The following ZBBX variants were observed in gnomAD, a reference collection of about 807,000 sequenced individuals.
The protein encoded by ZBBX is zinc finger B-box domain-containing protein 1.
In ZBBX, 101 loss-of-function variants were observed where a neutral mutation model predicts 108.5. That is an observed-to-expected ratio of 0.93 (90% CI 0.79 to 1.10). The LOEUF is 1.10. ZBBX is among the 50% of genes least tolerant of loss of function. The pLI is 0.00. For synonymous variants in ZBBX, 356 were observed against 323.4 expected (o/e 1.10, Z -1.08); for missense variants, 1,009 against 941.4 (o/e 1.07, Z -0.94).
At chr3:167,223,219 CCG>C in the ZBBX span, among the ~76,000 whole-genome samples, 1 of 151,876 alleles carries the variant, frequency 6.6e-6, no homozygotes, top group South Asian at 2.1e-4. Context: ...TCACCCCATA[CCG>C]ATTTCTGGCC....
At chr3:167,306,026 T>C in intron 16 of ZBBX, 76 bp from the exon 17 acceptor site, 3 of 1,242,532 alleles carry the variant, frequency 2.4e-6, no homozygotes, top group South Asian at 2.1e-5. Context: ...AAACCAAAAG[T>C]TCTGTGGTAA....
At chr3:167,260,104 T>G (rs2108410802) in intron 20 of ZBBX, among the ~76,000 whole-genome samples, 1 of 152,300 alleles carries the variant, frequency 6.6e-6, no homozygotes, top group South Asian at 2.1e-4. Flanking sequence ...TTAGTTTCAC[T>G]GGATACAAAA....
Position 167,360,667 on chromosome 3 carries a change from T to G in ZBBX, c.322+8A>C. On this transcript the variant is annotated splice_region_variant and intron_variant, in intron 7 of 21. Coordinates refer to ENST00000675490, the MANE Select transcript of ZBBX (RefSeq NM_001199201.2). ...TAGCATTTATTAACATGGTGATAAA[T>G]TATTTACCTTGAATCTGTTCCTTCA... 1 of 1,356,226 alleles carries G rather than the reference T, an allele frequency of 7.4e-7. No homozygotes were observed. The highest frequency in any genetic ancestry group is 9.7e-7 in the Non-Finnish European group (1 of 1,034,684). The allele number at this position is 1,356,226 out of a possible 1,614,324, so 84.0% of individuals were successfully genotyped here.
intron 20 of ZBBX, among the ~76,000 whole-genome samples, chr3:167,257,944 G>A (rs1195501581): frequency 6.6e-6 from 1 of 152,130 alleles, no homozygotes; most frequent in Admixed American, 6.5e-5. Context: ...CTCCCAGTCT[G>A]TGGGATATCT....
At chr3:167,178,709 CT>C in the ZBBX span, among the ~76,000 whole-genome samples, 2 of 152,198 alleles carry the variant, frequency 1.3e-5, no homozygotes, top group East Asian at 3.8e-4. Context: ...TGCTTCCCAA[CT>C]TTTTGTTATC....
intron 8 of ZBBX, among the ~76,000 whole-genome samples, chr3:167,358,711 C>T (rs1459928913): frequency 1.3e-5 from 2 of 151,384 alleles, no homozygotes; most frequent in African/African-American, 2.4e-5. Flanking sequence ...CAGAGGCAGG[C>T]GGATCATGAG....
At chr3:167,384,010 A>T (rs2108633792), upstream of ZBBX, among the ~76,000 whole-genome samples, 1 of 152,230 alleles carries the variant, frequency 6.6e-6, no homozygotes, top group Non-Finnish European at 1.5e-5. Context: ...TGCTAGGAGC[A>T]CATTAAAAAG....
chr3:167,366,822 C>G (rs1321406261), intron 5 of ZBBX: 4 of 455,858 alleles, frequency 8.8e-6, no homozygotes, highest in Non-Finnish European at 1.8e-5. Flanking sequence ...AGATGAGTAT[C>G]ATGATCCATT....
chr3:167,341,616 A>T (rs935673189), intron 9 of ZBBX, among the ~76,000 whole-genome samples: 1 of 151,972 alleles, frequency 6.6e-6, no homozygotes, highest in African/African-American at 2.4e-5. Context: ...AAATAACATA[A>T]GAAACTCACA....
the ZBBX span, among the ~76,000 whole-genome samples, chr3:167,214,994 G>A: frequency 2.2e-4 from 33 of 151,788 alleles, no homozygotes; most frequent in Non-Finnish European, 1.6e-4. Flanking sequence ...ACAGTGTTGA[G>A]GAAAATTCAT....
At chr3:167,310,242 A>G (rs1327542143) in intron 16 of ZBBX, among the ~76,000 whole-genome samples, 3 of 152,224 alleles carry the variant, frequency 2.0e-5, no homozygotes, top group African/African-American at 7.2e-5. Context: ...TATCACTATA[A>G]GCATTTTGGT....
At chr3:167,271,191 A>G (rs1442774143) in intron 20 of ZBBX, among the ~76,000 whole-genome samples, 2 of 136,588 alleles carry the variant, frequency 1.5e-5, no homozygotes, top group Admixed American at 7.1e-5. Context: ...ACATTTGGAA[A>G]AATTTGGACT....
chr3:167,213,401 C>T, the ZBBX span, among the ~76,000 whole-genome samples: 3 of 152,078 alleles, frequency 2.0e-5, no homozygotes, highest in Non-Finnish European at 4.4e-5. Flanking sequence ...ACAATGCAAT[C>T]ACAAGTACTA....
the ZBBX span, among the ~76,000 whole-genome samples, chr3:167,227,332 T>C: frequency 3.3e-5 from 5 of 151,774 alleles, no homozygotes; most frequent in Admixed American, 2.6e-4. Flanking sequence ...GGTGTAAAAC[T>C]TCTTACAAAT....
At chr3:167,191,986 C>A in the ZBBX span, among the ~76,000 whole-genome samples, 99,418 of 137,856 alleles carry the variant, frequency 0.72, 36,726 homozygotes, top group African/African-American at 0.91. Context: ...ACAAAAAAAA[C>A]CTCTTCATTT....
chr3:167,281,412 T>C (rs564527330), intron 20 of ZBBX, among the ~76,000 whole-genome samples: 46 of 152,186 alleles, frequency 3.0e-4, no homozygotes, highest in South Asian at 1.7e-3. Context: ...TATAGAACAA[T>C]AGCAAAGTCG....
intron 10 of ZBBX, among the ~76,000 whole-genome samples, chr3:167,330,909 G>GAAGAAGAAGA (rs1738435729): frequency 1.2e-5 from 1 of 80,384 alleles, no homozygotes; most frequent in African/African-American, 3.9e-5. Flanking sequence ...AGAAGAAGAA[G>GAAGAAGAAGA]AGGCATCATA....
chr3:167,272,391 C>T (rs1240366453), intron 20 of ZBBX, among the ~76,000 whole-genome samples: 3 of 152,178 alleles, frequency 2.0e-5, no homozygotes, highest in Non-Finnish European at 4.4e-5. Context: ...GGGATCATAT[C>T]CTCATCAAAA....
the ZBBX span, among the ~76,000 whole-genome samples, chr3:167,195,231 G>A: frequency 6.6e-6 from 1 of 152,094 alleles, no homozygotes; most frequent in African/African-American, 2.4e-5. Flanking sequence ...TAGCATCAAA[G>A]GTCTTCCCAA....
Sources: allele counts gnomAD v4.1 joint callset (sites outside exome capture counted in the v4.1 genomes callset), GRCh38; gene constraint gnomAD v4.1.1; transcripts MANE v1.5; gene names NCBI Gene and HGNC (gene_info 2026-07-23, HGNC 2026-07-21).